The following GPBP1 variants were observed in gnomAD, a reference collection of about 807,000 sequenced individuals.
GPBP1 encodes the protein vasculin.
Under a neutral mutation model 56.5 loss-of-function variants are expected in GPBP1, and 13 were observed. That is an observed-to-expected ratio of 0.23 (90% CI 0.15 to 0.37). The LOEUF is 0.37. Ranked by LOEUF, GPBP1 falls within the 10% of genes least tolerant of loss-of-function variation. The pLI is 1.00. For synonymous variants in GPBP1, 204 were observed against 188.9 expected, an observed-to-expected ratio of 1.08 and a Z score of -0.66; for missense variants, 477 against 572.3, an observed-to-expected ratio of 0.83 and a Z score of 1.70.
chr5:57,227,803 C>A (rs991273551), intron 3 of GPBP1, among the ~76,000 whole-genome samples: 1 of 152,160 alleles, frequency 6.6e-6, no homozygotes, highest in Non-Finnish European at 1.5e-5. Context: ...TCCAGGCTAG[C>A]TTGTTAGCTT....
rs1178828972 is a variant in GPBP1, at chr5:57,192,820, TAGATA to T, written c.-58+16425_-58+16429del. ...TATTACGAAGGCTAATGTTTTGTGT[TAGATA>T]AGATCTCTGTCTGATGTATCCTATG... On this transcript the variant is annotated intron_variant, in intron 2 of 11. Transcript: ENST00000506184. Among the ~76,000 whole-genome samples the T allele has an allele frequency of 2.0e-5, 3 of 152,080 alleles. No individual in the cohort carries two copies. The East Asian group carries it at 5.8e-4, about 29-fold the overall frequency.
intron 11 of GPBP1, 65 bp from the exon 12 acceptor site, chr5:57,262,529 A>T (rs1722180267): frequency 2.5e-6 from 3 of 1,201,466 alleles, no homozygotes; most frequent in South Asian, 1.3e-5. Flanking sequence ...ATTCATGCTT[A>T]TATTATTACA....
chr5:57,238,834 A>T (rs930254713), intron 6 of GPBP1, among the ~76,000 whole-genome samples: 1 of 152,210 alleles, frequency 6.6e-6, no homozygotes, highest in African/African-American at 2.4e-5. Context: ...ACTACTTAAG[A>T]ACATAAAGGT....
intron 2 of GPBP1, among the ~76,000 whole-genome samples, chr5:57,185,572 T>TA (rs1754249995): frequency 1.3e-5 from 2 of 152,122 alleles, no homozygotes; most frequent in Non-Finnish European, 2.9e-5. Flanking sequence ...CCTGGCTAGT[T>TA]ATGTCTTTTA....
intron 6 of GPBP1, among the ~76,000 whole-genome samples, chr5:57,237,991 C>T (rs1740614650): frequency 6.6e-6 from 1 of 152,138 alleles, no homozygotes; most frequent in Non-Finnish European, 1.5e-5. Flanking sequence ...TTGAATTCTG[C>T]TTAGAACCTA....
intron 3 of GPBP1, among the ~76,000 whole-genome samples, chr5:57,214,419 C>T (rs1269233934): frequency 2.6e-5 from 4 of 151,950 alleles, no homozygotes; most frequent in East Asian, 1.9e-4. Flanking sequence ...AACCCTGTCT[C>T]TACTACAGAT....
At chr5:57,200,430 C>T (rs926351583) in intron 2 of GPBP1, among the ~76,000 whole-genome samples, 5 of 137,428 alleles carry the variant, frequency 3.6e-5, no homozygotes, top group South Asian at 2.3e-4. Flanking sequence ...TGCAGTAGCA[C>T]GATCTCGGCT....
intron 2 of GPBP1, among the ~76,000 whole-genome samples, chr5:57,181,446 AAAG>A (rs1237880571): frequency 3.3e-5 from 5 of 151,808 alleles, no homozygotes; most frequent in African/African-American, 7.3e-5. Flanking sequence ...AAAAAAAAAA[AAAG>A]AACCTCTGAC....
chr5:57,250,764 C>A (rs1033541231), intron 9 of GPBP1, among the ~76,000 whole-genome samples, 190 bp from the exon 10 acceptor site: 4 of 151,892 alleles, frequency 2.6e-5, no homozygotes, highest in African/African-American at 9.7e-5. Flanking sequence ...AGGCTCGTCG[C>A]AAACTCCTGA....
intron 2 of GPBP1, among the ~76,000 whole-genome samples, chr5:57,184,313 C>G (rs60699979): frequency 6.6e-6 from 1 of 152,042 alleles, no homozygotes; most frequent in Non-Finnish European, 1.5e-5. Context: ...GAAGAAACAC[C>G]TGAGACTGGA....
chr5:57,228,302 A>G (rs1284722895), intron 3 of GPBP1, among the ~76,000 whole-genome samples: 2 of 152,078 alleles, frequency 1.3e-5, no homozygotes, highest in Non-Finnish European at 2.9e-5. Context: ...TGAAAGTACA[A>G]AAATTAGCCA....
chr5:57,190,113 T>C (rs1360927590), intron 2 of GPBP1, among the ~76,000 whole-genome samples: 1 of 149,342 alleles, frequency 6.7e-6, no homozygotes, highest in Non-Finnish European at 1.5e-5. Flanking sequence ...TCAGTGCACT[T>C]ATTTGCACAG....
chr5:57,224,479 G>A (rs1756093122), intron 3 of GPBP1, among the ~76,000 whole-genome samples: 1 of 151,730 alleles, frequency 6.6e-6, no homozygotes, highest in Non-Finnish European at 1.5e-5. Flanking sequence ...CTGACCTCAG[G>A]CAGTCCACCT....
chr5:57,251,245 G>T, intron 10 of GPBP1, 104 bp downstream of exon 10: 1 of 970,028 alleles, frequency 1.0e-6, no homozygotes, highest in Non-Finnish European at 1.5e-6. Context: ...TACAACTTAC[G>T]CCATAAATTT....
chr5:57,189,488 C>T (rs1268616978), intron 2 of GPBP1, among the ~76,000 whole-genome samples: 1 of 152,104 alleles, frequency 6.6e-6, no homozygotes, highest in East Asian at 1.9e-4. Flanking sequence ...GAACTCCTGG[C>T]CTGTGGTGAT....
At chr5:57,239,274 GGT>G (rs1334179996) in intron 6 of GPBP1, among the ~76,000 whole-genome samples, 1 of 152,064 alleles carries the variant, frequency 6.6e-6, no homozygotes, top group Admixed American at 6.6e-5. Context: ...CATTTTATTT[GGT>G]CTGAATTACT....
At chr5:57,228,455 A>C (rs528527706) in intron 3 of GPBP1, among the ~76,000 whole-genome samples, 7 of 91,464 alleles carry the variant, frequency 7.7e-5, no homozygotes, top group African/African-American at 2.1e-4. Flanking sequence ...ACTCTGTCTC[A>C]AAAAAAAAAA....
rs762806370 is a variant in GPBP1, at chr5:57,176,252, TGAA to T, written c.-204_-202del. On this transcript the variant is annotated 5_prime_UTR_variant, in exon 2 of 12. Transcript: ENST00000506184. ...AAAACAGAAGTATGGGTAGCTGACT[TGAA>T]GTAACTCTATGTCAAATAGTCGTAG... 12 of 373,334 alleles carry T rather than the reference TGAA, an allele frequency of 3.2e-5. No homozygotes were observed. Among genetic ancestry groups the T allele is most frequent in the Non-Finnish European group, 4.7e-5 (10 of 211,202 alleles). The allele number at this position is 373,334 out of a possible 1,614,324, so 23.1% of individuals were successfully genotyped here.
At chr5:57,198,413 A>T (rs964845973) in intron 2 of GPBP1, among the ~76,000 whole-genome samples, 1 of 152,216 alleles carries the variant, frequency 6.6e-6, no homozygotes, top group African/African-American at 2.4e-5. Context: ...TCAGGATGCC[A>T]TCATGAACTT....
Sources: gnomAD v4.1 joint callset for allele counts (sites outside exome capture counted in the v4.1 genomes callset) on GRCh38, gnomAD v4.1.1 for gene constraint, MANE v1.5 for transcripts, NCBI Gene and HGNC (gene_info 2026-07-23, HGNC 2026-07-21) for gene names.